B3GALT1: variants seen among roughly 807,000 people sequenced by gnomAD.
B3GALT1 encodes the protein beta-1,3-galactosyltransferase 1.
A neutral mutation model predicts 23.2 loss-of-function variants in B3GALT1; 10 were observed. That is an observed-to-expected ratio of 0.43 (90% confidence interval 0.27 to 0.73). The LOEUF is 0.73. B3GALT1 is among the 30% of genes least tolerant of loss of function. The pLI, the probability that B3GALT1 is intolerant of heterozygous loss-of-function variation, is 0.21. For synonymous variants in B3GALT1, 156 were observed against 141.5 expected (o/e 1.10, Z -0.73); for missense variants, 299 against 405.4 (o/e 0.74, Z 2.25).
At chr2:167,431,279 G>A (rs1214773752) in intron 1 of B3GALT1, among the ~76,000 whole-genome samples, 1 of 152,136 alleles carries the variant, frequency 6.6e-6, no homozygotes. Flanking sequence ...CTTTTCCATG[G>A]AGCATTGCTC....
intron 3 of B3GALT1, among the ~76,000 whole-genome samples, chr2:167,699,276 C>T (rs1686837031): frequency 2.0e-5 from 3 of 149,872 alleles, no homozygotes; most frequent in South Asian, 4.2e-4. Flanking sequence ...AGAGGCATAT[C>T]TTTATAAAGA....
At chr2:167,599,918 A>G (rs1397112551) in intron 2 of B3GALT1, among the ~76,000 whole-genome samples, 3 of 152,220 alleles carry the variant, frequency 2.0e-5, no homozygotes, top group Admixed American at 2.0e-4. Context: ...ATGGAAATCT[A>G]TAATGGAAAA....
At chr2:167,314,311 C>T (rs1047599323) in intron 1 of B3GALT1, among the ~76,000 whole-genome samples, 2 of 152,148 alleles carry the variant, frequency 1.3e-5, no homozygotes, top group Non-Finnish European at 2.9e-5. Flanking sequence ...TTTAACGTGG[C>T]TTCCTATCAG....
chr2:167,524,971 C>A (rs1327151966), intron 2 of B3GALT1, among the ~76,000 whole-genome samples: 1 of 152,176 alleles, frequency 6.6e-6, no homozygotes, highest in African/African-American at 2.4e-5. Flanking sequence ...TTATATGCAG[C>A]ACAAATTGCC....
chr2:167,714,989 G>A, intron 3 of B3GALT1: 1 of 1,611,582 alleles, frequency 6.2e-7, no homozygotes, highest in South Asian at 1.1e-5. Flanking sequence ...TGCTTGTTGA[G>A]TCTGAAGATT....
chr2:167,579,954 A>G (rs926628406), intron 2 of B3GALT1, among the ~76,000 whole-genome samples: 4 of 152,198 alleles, frequency 2.6e-5, no homozygotes, highest in African/African-American at 7.2e-5. Flanking sequence ...TAGATGGTAG[A>G]GTTCAATTTT....
At chr2:167,346,639 T>C (rs989627675) in intron 1 of B3GALT1, among the ~76,000 whole-genome samples, 44 of 152,290 alleles carry the variant, frequency 2.9e-4, no homozygotes, top group African/African-American at 9.9e-4. Context: ...TTATCGTAAG[T>C]TGGATTCAGT....
At chr2:167,729,641 C>G (rs1687375378) in intron 3 of B3GALT1, among the ~76,000 whole-genome samples, 1 of 152,110 alleles carries the variant, frequency 6.6e-6, no homozygotes, top group African/African-American at 2.4e-5. Flanking sequence ...AGTCTGGTTT[C>G]ATTCTTCAAC....
At chr2:167,713,826 A>G in intron 3 of B3GALT1, 1 of 1,592,914 alleles carries the variant, frequency 6.3e-7, no homozygotes, top group South Asian at 1.1e-5. Flanking sequence ...CTCATTGCAA[A>G]TGGAGCATGT....
intron 3 of B3GALT1, among the ~76,000 whole-genome samples, chr2:167,731,547 C>T (rs972804373): frequency 6.6e-6 from 1 of 152,184 alleles, no homozygotes; most frequent in Non-Finnish European, 1.5e-5. Context: ...TTTGCAACTG[C>T]AGCATCTTTT....
intron 3 of B3GALT1, among the ~76,000 whole-genome samples, chr2:167,755,571 A>C (rs751454827): frequency 1.3e-5 from 2 of 150,966 alleles, no homozygotes; most frequent in Non-Finnish European, 3.0e-5. Context: ...ACCTAACTGC[A>C]GTTGGTCTGA....
chr2:167,814,323 CA>C (rs1203828772), intron 3 of B3GALT1, among the ~76,000 whole-genome samples: 1 of 152,116 alleles, frequency 6.6e-6, no homozygotes, highest in African/African-American at 2.4e-5. Context: ...TAAGAAAAAT[CA>C]CTGATAGCAT....
At chr2:167,560,322 G>A (rs1394675783) in intron 2 of B3GALT1, among the ~76,000 whole-genome samples, 1 of 151,730 alleles carries the variant, frequency 6.6e-6, no homozygotes, top group East Asian at 1.9e-4. Context: ...ACATGGAAAG[G>A]CACAACTGGT....
intron 4 of B3GALT1, among the ~76,000 whole-genome samples, chr2:167,838,424 T>G (rs1268748730): frequency 2.0e-5 from 3 of 152,284 alleles, no homozygotes; most frequent in Non-Finnish European, 4.4e-5. Flanking sequence ...CTAGAAAATC[T>G]AGCAGAAATG....
At chr2:167,750,291 T>A (rs1344348053) in intron 3 of B3GALT1, among the ~76,000 whole-genome samples, 6 of 152,196 alleles carry the variant, frequency 3.9e-5, no homozygotes, top group Non-Finnish European at 8.8e-5. Flanking sequence ...TAAAGTGAAA[T>A]TTGTCTAGCA....
Position 167,305,587 on chromosome 2 carries a change from T to G in B3GALT1, c.-511+12253T>G, listed in dbSNP as rs184040385. Among the ~76,000 whole-genome samples the G allele has an allele frequency of 9.3e-4, 141 of 152,250 alleles. 1 individual carries two copies. The highest frequency in any genetic ancestry group is 1.7e-3 in the East Asian group (9 of 5,182). ...ATTTTCACATTTGATTATCTTGCCT[T>G]CCTTGTCTTCAGTTGCACGGTTAAT... On this transcript the variant is annotated intron_variant, in intron 1 of 4. Coordinates refer to ENST00000392690, the MANE Select transcript of B3GALT1 (RefSeq NM_020981.4).
At chr2:167,824,142 G>T (rs1689164747) in intron 4 of B3GALT1, among the ~76,000 whole-genome samples, 1 of 152,158 alleles carries the variant, frequency 6.6e-6, no homozygotes, top group Non-Finnish European at 1.5e-5. Context: ...CCATGATGGG[G>T]ACTTCATTTT....
intron 1 of B3GALT1, among the ~76,000 whole-genome samples, chr2:167,474,488 T>C (rs187421692): frequency 3.7e-4 from 57 of 152,276 alleles, no homozygotes; most frequent in East Asian, 3.7e-3. Flanking sequence ...TACTGTCTTA[T>C]CTCCAGAGGT....
At chr2:167,345,287 G>A (rs918165600) in intron 1 of B3GALT1, among the ~76,000 whole-genome samples, 1 of 151,980 alleles carries the variant, frequency 6.6e-6, no homozygotes, top group Non-Finnish European at 1.5e-5. Flanking sequence ...TATGTAGGTG[G>A]CCTGGTTAAT....
Sources: allele counts gnomAD v4.1 joint callset (sites outside exome capture counted in the v4.1 genomes callset), GRCh38; gene constraint gnomAD v4.1.1; transcripts MANE v1.5; gene names NCBI Gene and HGNC (gene_info 2026-07-23, HGNC 2026-07-21).